The following PHLPP1 variants were observed in gnomAD, a reference collection of about 807,000 sequenced individuals.
PHLPP1 encodes PH domain and leucine rich repeat protein phosphatase 1.
Under a neutral mutation model 117.2 loss-of-function variants are expected in PHLPP1, and 42 were observed. The observed-to-expected ratio is 0.36, with a 90% confidence interval of 0.28 to 0.46. PHLPP1 has a LOEUF of 0.46. Among genes scored for constraint, PHLPP1 ranks in the 20% least tolerant of loss-of-function variants. The pLI is 1.00. For synonymous variants in PHLPP1, 1,042 were observed against 970.7 expected (o/e 1.07, Z -1.37); for missense variants, 2,084 against 2,241.9 (o/e 0.93, Z 1.42).
At chr18:62,764,385 G>T (rs889931308) in intron 1 of PHLPP1, among the ~76,000 whole-genome samples, 1 of 152,112 alleles carries the variant, frequency 6.6e-6, no homozygotes, top group Non-Finnish European at 1.5e-5. Flanking sequence ...CCAAAATGGG[G>T]ATGCTAGTCA....
At chr18:62,796,240 T>A (rs1014719998) in intron 1 of PHLPP1, among the ~76,000 whole-genome samples, 4 of 152,212 alleles carry the variant, frequency 2.6e-5, no homozygotes, top group African/African-American at 7.2e-5. Flanking sequence ...AAATATGAAG[T>A]ATCATTGTGC....
intron 4 of PHLPP1, among the ~76,000 whole-genome samples, chr18:62,871,802 G>A (rs944749672): frequency 3.3e-5 from 5 of 151,692 alleles, no homozygotes; most frequent in Non-Finnish European, 7.4e-5. Context: ...GCGCCACCAC[G>A]CCCAGCAAAT....
At position 62,780,995 on chromosome 18, in the gene PHLPP1, GA is replaced by G. The variant is rs1366596654; in HGVS notation, c.1577-49036del. Among the ~76,000 whole-genome samples the G allele has an allele frequency of 2.6e-5, 4 of 152,286 alleles. No homozygotes were observed. The South Asian group carries it at 8.3e-4, about 32-fold the overall frequency. On this transcript the variant is annotated intron_variant, in intron 1 of 16. Transcript: ENST00000262719. ...CCTTCCAGGTTGTGTGTTTCAATGG[GA>G]AAAGCATGCATTTAGACATTTGGGT... is the stretch of plus-strand genomic sequence containing the variant.
At chr18:62,796,797 T>C (rs965982711) in intron 1 of PHLPP1, among the ~76,000 whole-genome samples, 60 of 152,074 alleles carry the variant, frequency 3.9e-4, no homozygotes, top group African/African-American at 1.3e-3. Flanking sequence ...CAAAGTGCTG[T>C]TTTGGTCAGC....
chr18:62,826,357 T>C (rs1240381313), intron 1 of PHLPP1: 8 of 321,192 alleles, frequency 2.5e-5, no homozygotes, highest in East Asian at 8.1e-5. Flanking sequence ...GGTCACAAAA[T>C]ATAAGCATCT....
chr18:62,827,924 T>C (rs569804047), intron 1 of PHLPP1, among the ~76,000 whole-genome samples: 6 of 152,254 alleles, frequency 3.9e-5, no homozygotes, highest in African/African-American at 7.2e-5. Flanking sequence ...TGGTTCTTCA[T>C]AGAGCTGCAT....
intron 3 of PHLPP1, 86 bp from the exon 4 acceptor site, chr18:62,860,349 C>G: frequency 9.0e-7 from 1 of 1,116,914 alleles, no homozygotes; most frequent in Non-Finnish European, 1.3e-6. Context: ...ATATCTGTTC[C>G]AAATTGGGAT....
At chr18:62,857,600 G>T (rs1009341779) in intron 3 of PHLPP1, among the ~76,000 whole-genome samples, 2 of 152,166 alleles carry the variant, frequency 1.3e-5, no homozygotes, top group Non-Finnish European at 2.9e-5. Context: ...TTAGGATCAT[G>T]AGTTTGAAGG....
intron 14 of PHLPP1, among the ~76,000 whole-genome samples, chr18:62,971,289 C>T (rs1036772085): frequency 1.3e-5 from 2 of 151,942 alleles, no homozygotes; most frequent in African/African-American, 2.4e-5. Flanking sequence ...TCTCTTCTTT[C>T]GAAGACTCCA....
At chr18:62,901,361 T>C (rs1916720895) in intron 6 of PHLPP1, among the ~76,000 whole-genome samples, 1 of 152,100 alleles carries the variant, frequency 6.6e-6, no homozygotes, top group African/African-American at 2.4e-5. Context: ...CAAGGCCAGT[T>C]TTTAAATCTT....
chr18:62,778,919 C>T (rs556880911), intron 1 of PHLPP1, among the ~76,000 whole-genome samples: 1 of 152,228 alleles, frequency 6.6e-6, no homozygotes, highest in East Asian at 1.9e-4. Flanking sequence ...TTTGGTCCCA[C>T]AAGGTTAGCC....
Position 62,856,217 on chromosome 18 carries a change from C to T in PHLPP1, c.1900-4218C>T, listed in dbSNP as rs191478537. Among the ~76,000 whole-genome samples, 195 of 152,114 alleles carry T rather than the reference C, an allele frequency of 1.3e-3. 1 individual carries two copies. Among genetic ancestry groups the T allele is most frequent in the African/African-American group, 4.0e-3 (167 of 41,494 alleles). ...CTAATCCCCAGTGGATATGGAGCGCCGACCATATGTTGGTGATCACCTCAC... is the reference window on the plus strand; with the variant it reads ...CTAATCCCCAGTGGATATGGAGCGCTGACCATATGTTGGTGATCACCTCAC... On this transcript the variant is annotated intron_variant, in intron 3 of 16. Transcript: ENST00000262719.
intron 11 of PHLPP1, 126 bp from the exon 12 acceptor site, chr18:62,944,983 A>G: frequency 3.0e-6 from 2 of 676,442 alleles, no homozygotes; most frequent in Non-Finnish European, 4.6e-6. Context: ...TGATAGTGAA[A>G]AAATGGTCTT....
chr18:62,978,582 C>T lies in PHLPP1; in HGVS notation c.4305C>T (p.Ser1435=), dbSNP rs947939934. The T allele has an allele frequency of 1.8e-5, 29 of 1,613,424 alleles. No homozygotes were observed. Among genetic ancestry groups the T allele is most frequent in the East Asian group, 4.5e-5 (2 of 44,866 alleles). ...ACAGCTTCTGCTGCTGCGAGCTCAG[C>T]GCCGGTGGGGCTGTGCCACCACCCA... ...TEDSFCCCEL[S]AGGAVPPPSP... The change falls in exon 17 of 17, where the codon AGC becomes AGT. Residue 1435 remains serine (S), a synonymous_variant. Transcript: ENST00000262719. This position sits in a 1 kb window ranked among gnomAD's most constrained non-coding sequence, Gnocchi z 7.0.
In PHLPP1 at chr18:62,836,864, G is replaced by A. The variant is rs191468066; in HGVS notation, c.1774-1920G>A. Among the ~76,000 whole-genome samples, 537 of 152,258 alleles carry A rather than the reference G, an allele frequency of 3.5e-3. 3 individuals carry two copies. Among genetic ancestry groups the A allele is most frequent in the Middle Eastern group, 0.027 (8 of 294 alleles). On this transcript the variant is annotated intron_variant, in intron 2 of 16. Transcript: ENST00000262719. ...CCCATCTACTCAAGAGGTTGAGATA[G>A]GAGAATCGCTTGCAATCGGAAGGCG...
intron 14 of PHLPP1, among the ~76,000 whole-genome samples, chr18:62,966,628 G>A (rs929298669): frequency 3.3e-5 from 5 of 151,684 alleles, no homozygotes; most frequent in African/African-American, 7.3e-5. Context: ...CCGCCACCAC[G>A]CCCGGCTAAT....
intron 4 of PHLPP1, among the ~76,000 whole-genome samples, chr18:62,865,565 C>T (rs1245600189): frequency 6.6e-6 from 1 of 152,176 alleles, no homozygotes; most frequent in Non-Finnish European, 1.5e-5. Context: ...CAAAGGCTTT[C>T]TATCATACTG....
intron 3 of PHLPP1, among the ~76,000 whole-genome samples, chr18:62,852,875 T>C (rs940442798): frequency 6.6e-6 from 1 of 152,116 alleles, no homozygotes; most frequent in Non-Finnish European, 1.5e-5. Context: ...AGAAGAGTAA[T>C]GGGAATGATG....
intron 1 of PHLPP1, among the ~76,000 whole-genome samples, chr18:62,775,174 T>G (rs959427043): frequency 1.3e-5 from 2 of 152,200 alleles, no homozygotes; most frequent in African/African-American, 4.8e-5. Context: ...CTCAGCTCAC[T>G]GCAGCCTCTG....
Sources: allele counts gnomAD v4.1 joint callset (sites outside exome capture counted in the v4.1 genomes callset), GRCh38; gene constraint gnomAD v4.1.1; non-coding constraint Gnocchi (gnomAD v3.1); transcripts MANE v1.5; gene names NCBI Gene and HGNC (gene_info 2026-07-23, HGNC 2026-07-21).